TRDN: variants seen among roughly 807,000 people sequenced by gnomAD.
The protein encoded by TRDN is triadin in skeletal muscle.
Under a neutral mutation model 149.7 loss-of-function variants are expected in TRDN, and 161 were observed. The ratio of observed to expected loss-of-function variants is 1.08; its 90% CI spans 0.95 to 1.23. TRDN has a LOEUF of 1.23. Ranked by LOEUF, TRDN falls within the 50% of genes most tolerant of loss-of-function variation. The pLI is 0.00. For missense variants in TRDN, 896 were observed against 823.5 expected (o/e 1.09, Z -1.08); for synonymous variants, 294 against 250.5 (o/e 1.17, Z -1.64).
chr6:123,452,041 C>T lies in TRDN; in HGVS notation c.931+12865G>A, dbSNP rs186786703. Among the ~76,000 whole-genome samples, 93 of 152,134 alleles carry T rather than the reference C, an allele frequency of 6.1e-4. 1 individual carries two copies. Among genetic ancestry groups the T allele is most frequent in the Middle Eastern group, 3.4e-3 (1 of 294 alleles). ...ATGCAGAAAAAGCATGAGACAAAAT[C>T]CAGCATCACTTTGTGATTAAAACTC... On this transcript the variant is annotated intron_variant, in intron 10 of 40. Transcript: ENST00000334268.
chr6:123,549,212 C>A (rs1011559150), intron 2 of TRDN, among the ~76,000 whole-genome samples: 11 of 152,056 alleles, frequency 7.2e-5, no homozygotes, highest in African/African-American at 2.4e-4. Context: ...CTGCTAGTAA[C>A]TTCAATGGAT....
chr6:123,466,417 A>C (rs542994045), intron 9 of TRDN, among the ~76,000 whole-genome samples: 1 of 152,216 alleles, frequency 6.6e-6, no homozygotes, highest in African/African-American at 2.4e-5. Context: ...TAGTTTTTAA[A>C]ACTGAGGTTA....
chr6:123,283,497 CA>C (rs941108840), intron 24 of TRDN, among the ~76,000 whole-genome samples: 1 of 151,080 alleles, frequency 6.6e-6, no homozygotes. Context: ...TTGAAACAAA[CA>C]AAAAATATAT....
chr6:123,559,167 C>A (rs1338996222), intron 2 of TRDN, among the ~76,000 whole-genome samples: 1 of 152,210 alleles, frequency 6.6e-6, no homozygotes, highest in Non-Finnish European at 1.5e-5. Flanking sequence ...GGGTAACTCT[C>A]ACAGTGGAGG....
intron 10 of TRDN, among the ~76,000 whole-genome samples, chr6:123,449,823 C>T (rs941966372): frequency 6.6e-6 from 1 of 152,036 alleles, no homozygotes; most frequent in Non-Finnish European, 1.5e-5. Flanking sequence ...GAGAGAAGCA[C>T]CAGGTAACCT....
intron 18 of TRDN, among the ~76,000 whole-genome samples, chr6:123,376,849 G>A (rs1213868297): frequency 2.0e-5 from 3 of 151,928 alleles, no homozygotes. Context: ...TGGGAAGAAT[G>A]ACTGATAGGT....
At chr6:123,552,256 C>T in intron 2 of TRDN, among the ~76,000 whole-genome samples, 1 of 152,084 alleles carries the variant, frequency 6.6e-6, no homozygotes, top group African/African-American at 2.4e-5. Flanking sequence ...GAAAGAGTGC[C>T]AAGAGAGACA....
chr6:123,473,716 G>A (rs1261688500), intron 9 of TRDN, among the ~76,000 whole-genome samples: 1 of 151,684 alleles, frequency 6.6e-6, no homozygotes, highest in African/African-American at 2.4e-5. Context: ...TACCCTCAAA[G>A]GGAAGCCCAT....
At chr6:123,335,817 G>C (rs1026007658) in intron 22 of TRDN, among the ~76,000 whole-genome samples, 2 of 151,886 alleles carry the variant, frequency 1.3e-5, no homozygotes, top group Non-Finnish European at 2.9e-5. Context: ...TCTTCCATAT[G>C]ACAATGGAAG....
intron 18 of TRDN, 42 bp downstream of exon 18, chr6:123,377,674 G>T: frequency 6.2e-7 from 1 of 1,611,032 alleles, no homozygotes. Flanking sequence ...AATAAACACT[G>T]GACATGAGTA....
At position 123,428,372 on chromosome 6, in the gene TRDN, A is replaced by G. The variant is rs76880567; in HGVS notation, c.1051+9691T>C. On this transcript the variant is annotated intron_variant, in intron 12 of 40. Transcript: ENST00000334268. ...CCCGCTTTCCCAAGTCCCTAGCAGGACATGAACAAGAGAGGATATAGGGCA... is the reference window on the plus strand; with the variant it reads ...CCCGCTTTCCCAAGTCCCTAGCAGGGCATGAACAAGAGAGGATATAGGGCA... Among the ~76,000 whole-genome samples the G allele has an allele frequency of 3.1e-3, 472 of 152,296 alleles. 14 individuals are homozygous for G. The East Asian group carries it at 0.077, about 25-fold the overall frequency.
At chr6:123,420,762 G>A (rs1045212015) in intron 12 of TRDN, among the ~76,000 whole-genome samples, 3 of 152,054 alleles carry the variant, frequency 2.0e-5, no homozygotes, top group Non-Finnish European at 2.9e-5. Flanking sequence ...ACTCAGTGTC[G>A]AAAAAAACAG....
chr6:123,453,849 A>C (rs1266062013), intron 10 of TRDN, among the ~76,000 whole-genome samples: 1 of 151,992 alleles, frequency 6.6e-6, no homozygotes, highest in East Asian at 1.9e-4. Flanking sequence ...TGTGAAACCA[A>C]ACCAAATGCC....
chr6:123,575,211 A>G (rs1036263991), intron 1 of TRDN, among the ~76,000 whole-genome samples: 1 of 152,066 alleles, frequency 6.6e-6, no homozygotes, highest in Non-Finnish European at 1.5e-5. Flanking sequence ...GCTATAAGCA[A>G]TTTGAAAGTA....
At chr6:123,567,311 C>A (rs1024217796) in intron 2 of TRDN, among the ~76,000 whole-genome samples, 1 of 152,122 alleles carries the variant, frequency 6.6e-6, no homozygotes, top group Non-Finnish European at 1.5e-5. Context: ...TTTGATATCA[C>A]GGGACTTTTC....
intron 1 of TRDN, among the ~76,000 whole-genome samples, chr6:123,635,174 GT>G (rs1786241231): frequency 6.6e-6 from 1 of 151,948 alleles, no homozygotes; most frequent in Admixed American, 6.6e-5. Context: ...TAAACAAGAA[GT>G]TTTTATACAT....
chr6:123,373,759 A>G (rs1781407912), intron 19 of TRDN, among the ~76,000 whole-genome samples: 1 of 152,176 alleles, frequency 6.6e-6, no homozygotes, highest in Admixed American at 6.6e-5. Context: ...ATCTATCTCT[A>G]TCATTCTCAT....
intron 2 of TRDN, among the ~76,000 whole-genome samples, chr6:123,563,180 G>A (rs1432235026): frequency 6.6e-6 from 1 of 152,130 alleles, no homozygotes; most frequent in Admixed American, 6.6e-5. Context: ...TGAGGCAAAA[G>A]GAACATTACT....
chr6:123,528,075 C>T (rs965309263), intron 5 of TRDN, among the ~76,000 whole-genome samples: 1 of 151,588 alleles, frequency 6.6e-6, no homozygotes, highest in African/African-American at 2.4e-5. Flanking sequence ...AACAGAGGGA[C>T]AAAGTAGAAA....
Sources: gnomAD v4.1 joint callset for allele counts (sites outside exome capture counted in the v4.1 genomes callset) on GRCh38, gnomAD v4.1.1 for gene constraint, MANE v1.5 for transcripts, NCBI Gene and HGNC (gene_info 2026-07-23, HGNC 2026-07-21) for gene names.